The following NPL variants were observed in gnomAD, a reference collection of about 807,000 sequenced individuals.
The protein encoded by NPL is N-acetylneuraminate pyruvate lyase.
Under a neutral mutation model 41.1 loss-of-function variants are expected in NPL, and 32 were observed. That is an observed-to-expected ratio of 0.78 (90% CI 0.59 to 1.05). The LOEUF (loss-of-function observed/expected upper bound fraction) is 1.05. Among genes scored for constraint, NPL ranks in the 50% least tolerant of loss-of-function variants. The pLI is 0.00. For synonymous variants in NPL, 128 were observed against 134.9 expected, an observed-to-expected ratio of 0.95 and a Z score of 0.35; for missense variants, 321 against 378.4, an observed-to-expected ratio of 0.85 and a Z score of 1.26.
intron 1 of NPL, among the ~76,000 whole-genome samples, chr1:182,790,630 TG>T (rs1040420238): frequency 8.9e-5 from 13 of 146,086 alleles, no homozygotes; most frequent in Non-Finnish European, 1.3e-4. Flanking sequence ...TTGTTGTTGT[TG>T]TTGTTGTTGT....
chr1:182,829,078 A>G lies in NPL; in HGVS notation c.*170A>G. On this transcript the variant is annotated 3_prime_UTR_variant, in exon 13 of 13. Coordinates refer to ENST00000367553, the MANE Select transcript of NPL (RefSeq NM_030769.3). ...AGCCTTAAAAAGTCTTATTTTGTGA[A>G]GGGGCAAAAACTCTAGGAGTCACAA... The G allele has an allele frequency of 6.9e-7, 1 of 1,440,302 alleles. No homozygotes were observed. The highest frequency in any genetic ancestry group is 9.1e-7 in the Non-Finnish European group (1 of 1,103,664). 89.2% of individuals were successfully genotyped at this position (1,440,302 alleles called of 1,614,324 possible).
chr1:182,822,244 C>T, intron 11 of NPL, 45 bp downstream of exon 11: 1 of 1,315,744 alleles, frequency 7.6e-7, no homozygotes, highest in Non-Finnish European at 1.1e-6. Flanking sequence ...CTTTTTTCTT[C>T]CCCACTTGAG....
At chr1:182,805,107 A>G (rs1056302393) in intron 4 of NPL, among the ~76,000 whole-genome samples, 2 of 152,176 alleles carry the variant, frequency 1.3e-5, no homozygotes, top group Admixed American at 6.5e-5. Context: ...TCCTACTGCC[A>G]TAGGCATCTT....
intron 3 of NPL, 147 bp downstream of exon 3, chr1:182,794,586 T>C: frequency 1.3e-6 from 1 of 763,286 alleles, no homozygotes; most frequent in Non-Finnish European, 2.3e-6. Context: ...CTCTGCACTG[T>C]CTCTGATCCC....
At chr1:182,812,117 T>G (rs1571443841) in intron 5 of NPL, 39 bp from the exon 6 acceptor site, 1 of 1,610,038 alleles carries the variant, frequency 6.2e-7, no homozygotes, top group East Asian at 2.2e-5. Context: ...TGCATGCCTC[T>G]AAACTCTAAG....
At chr1:182,797,846 T>C (rs900694707) in intron 3 of NPL, among the ~76,000 whole-genome samples, 5 of 152,260 alleles carry the variant, frequency 3.3e-5, no homozygotes, top group African/African-American at 1.2e-4. Context: ...TCAATAGATA[T>C]TGAATGCCAA....
At chr1:182,816,160 TA>T (rs201572317) in intron 7 of NPL, among the ~76,000 whole-genome samples, 1,529 of 152,344 alleles carry the variant, frequency 0.01, 23 homozygotes, top group African/African-American at 0.032. Flanking sequence ...AAACCCCACT[TA>T]CTCAGCAAAC....
At chr1:182,806,629 G>T in intron 5 of NPL, 1 of 1,348,152 alleles carries the variant, frequency 7.4e-7, no homozygotes, top group Non-Finnish European at 1.0e-6. Context: ...CCTGATGCTT[G>T]TATTGGCCCA....
At chr1:182,807,259 A>T (rs1314573757) in intron 5 of NPL, among the ~76,000 whole-genome samples, 1 of 152,172 alleles carries the variant, frequency 6.6e-6, no homozygotes, top group African/African-American at 2.4e-5. Flanking sequence ...GTGTTAGATC[A>T]TGAAAACTAA....
chr1:182,824,536 G>A (rs1165672554), intron 11 of NPL, among the ~76,000 whole-genome samples: 1 of 152,140 alleles, frequency 6.6e-6, no homozygotes, highest in African/African-American at 2.4e-5. Context: ...GGTGGCTCAC[G>A]CCTGTAATCC....
At chr1:182,825,892 C>T (rs1667618034) in intron 12 of NPL, 72 bp downstream of exon 12, 1 of 1,124,780 alleles carries the variant, frequency 8.9e-7, no homozygotes, top group Non-Finnish European at 1.3e-6. Context: ...ATCACTTTCT[C>T]TGAGGGTTCA....
At chr1:182,812,444 G>T (rs1250661986) in intron 6 of NPL, among the ~76,000 whole-genome samples, 5 of 152,176 alleles carry the variant, frequency 3.3e-5, no homozygotes, top group Non-Finnish European at 7.4e-5. Flanking sequence ...CCTCCAAGGA[G>T]AGTAAGGATG....
chr1:182,825,835 T>C lies in NPL; in HGVS notation c.778+15T>C. On this transcript the variant is annotated intron_variant, in intron 12 of 12. Transcript: ENST00000367553. ...TGTCAAACTAGGTAAGTGCCACCCA[T>C]CTTCTGCTTTGTCTGCTGCTGGAGA... 1 of 1,593,528 alleles carries C rather than the reference T, an allele frequency of 6.3e-7. No homozygotes were observed. The highest frequency in any genetic ancestry group is 1.1e-5 in the South Asian group (1 of 90,642).
intron 3 of NPL, among the ~76,000 whole-genome samples, chr1:182,797,053 C>CAAAAAAAAAAAA (rs1666693083): frequency 7.3e-6 from 1 of 136,996 alleles, no homozygotes; most frequent in African/African-American, 3.1e-5. Context: ...AAAAAAAAAG[C>CAAAAAAAAAAAA]TCTTTCATAT....
At chr1:182,815,009 T>C (rs553757151) in intron 7 of NPL, 151 bp downstream of exon 7, 1 of 661,602 alleles carries the variant, frequency 1.5e-6, no homozygotes, top group Non-Finnish European at 2.7e-6. Flanking sequence ...AAATATTTGC[T>C]CTCCCTGGAT....
chr1:182,803,863 C>A, intron 4 of NPL, 92 bp downstream of exon 4: 2 of 922,530 alleles, frequency 2.2e-6, no homozygotes, highest in South Asian at 1.3e-5. Context: ...GTCACACAGT[C>A]ATGGTGTCAC....
chr1:182,818,439 C>A, intron 8 of NPL, 102 bp from the exon 9 acceptor site: 1 of 1,477,224 alleles, frequency 6.8e-7, no homozygotes, highest in Non-Finnish European at 9.4e-7. Flanking sequence ...TCAGTTCTGG[C>A]TGACAGCAGC....
Position 182,829,233 on chromosome 1 carries a change from T to C in NPL, c.*325T>C. 8.3e-7 allele frequency: 1 copy of C among 1,204,594 alleles called. No individual in the cohort carries two copies. The highest frequency in any genetic ancestry group is 1.0e-6 in the Non-Finnish European group (1 of 966,836). The allele number at this position is 1,204,594 out of a possible 1,614,324, so 74.6% of individuals were successfully genotyped here. ...TAGGAGCTCTCATTATCTCGGTCTC[T>C]GGTTCCTAATCCTATTTTAAAGTTG... On this transcript the variant is annotated 3_prime_UTR_variant, in exon 13 of 13. Transcript: ENST00000367553.
intron 5 of NPL, 114 bp downstream of exon 5, chr1:182,806,346 A>G (rs1366526229): frequency 6.4e-7 from 1 of 1,558,730 alleles, no homozygotes; most frequent in Non-Finnish European, 8.7e-7. Flanking sequence ...GCTTGAGGTC[A>G]GCTGGTGGGA....
Sources: gnomAD v4.1 joint callset for allele counts (sites outside exome capture counted in the v4.1 genomes callset) on GRCh38, gnomAD v4.1.1 for gene constraint, MANE v1.5 for transcripts, NCBI Gene and HGNC (gene_info 2026-07-23, HGNC 2026-07-21) for gene names.